PDCD1LG2: variants seen among roughly 807,000 people sequenced by gnomAD.
PDCD1LG2 encodes the protein programmed cell death 1 ligand 2.
PDCD1LG2 carries 32 observed loss-of-function variants against 28.2 expected under a neutral mutation model. The ratio of observed to expected loss-of-function variants is 1.13; its 90% CI spans 0.86 to 1.52. PDCD1LG2 has a LOEUF of 1.52. Ranked by LOEUF, PDCD1LG2 falls within the 40% of genes most tolerant of loss-of-function variation. The pLI, the probability that PDCD1LG2 is intolerant of heterozygous loss-of-function variation, is 0.00. For missense variants in PDCD1LG2, 385 were observed against 323.8 expected, an observed-to-expected ratio of 1.19 and a Z score of -1.45; for synonymous variants, 116 against 120.2, an observed-to-expected ratio of 0.97 and a Z score of 0.23.
chr9:5,542,249 G>C (rs1442500137), intron 3 of PDCD1LG2, among the ~76,000 whole-genome samples: 1 of 152,042 alleles, frequency 6.6e-6, no homozygotes, highest in African/African-American at 2.4e-5. Flanking sequence ...CATCGAAAAA[G>C]CCCTTCTAGA....
intron 3 of PDCD1LG2, among the ~76,000 whole-genome samples, chr9:5,545,726 T>C (rs1816190615): frequency 6.6e-6 from 1 of 152,086 alleles, no homozygotes; most frequent in Non-Finnish European, 1.5e-5. Flanking sequence ...AACAAACAAT[T>C]AAGAAAATAG....
intron 1 of PDCD1LG2, among the ~76,000 whole-genome samples, chr9:5,514,858 G>T (rs1820126732): frequency 6.6e-6 from 1 of 151,708 alleles, no homozygotes; most frequent in South Asian, 2.1e-4. Flanking sequence ...AATATCCTGA[G>T]AGGCGCAATC....
intron 5 of PDCD1LG2, among the ~76,000 whole-genome samples, chr9:5,558,528 A>G (rs1402705509): frequency 6.6e-6 from 1 of 152,210 alleles, no homozygotes; most frequent in Admixed American, 6.5e-5. Flanking sequence ...TTCTCCAAAG[A>G]TCTATACATG....
chr9:5,536,193 C>T (rs1230233928), intron 3 of PDCD1LG2, among the ~76,000 whole-genome samples: 1 of 152,212 alleles, frequency 6.6e-6, no homozygotes, highest in Non-Finnish European at 1.5e-5. Flanking sequence ...TTTTGCCTTT[C>T]ATAACCTCAC....
At chr9:5,525,828 C>A (rs62556121) in intron 2 of PDCD1LG2, among the ~76,000 whole-genome samples, 40,613 of 151,844 alleles carry the variant, frequency 0.27, 5,617 homozygotes, top group Middle Eastern at 0.35. Flanking sequence ...GTGGGCAGAT[C>A]ACGAGGTCAG....
chr9:5,549,346 A>T lies in PDCD1LG2; in HGVS notation c.373A>T (p.Lys125Ter), dbSNP rs1816275775. The change falls in exon 4 of 7, where the codon AAA (lysine) becomes TAA (stop). Residue 125 changes from lysine (K) to a stop codon, truncating the protein, a stop_gained. Transcript: ENST00000397747. LOFTEE classifies it high-confidence loss of function. ...TCTCTATTGTCCAGCTTCCTACAGG[A>T]AAATAAACACTCACATCCTAAAGGT... ...LTLKVKASYR[K>*]INTHILKVPE... 6.2e-7 allele frequency: 1 copy of T among 1,611,704 alleles called. No homozygotes were observed. Among genetic ancestry groups the T allele is most frequent in the Non-Finnish European group, 8.5e-7 (1 of 1,178,030 alleles).
chr9:5,569,909 A>T lies in PDCD1LG2; in HGVS notation c.817-45A>T, dbSNP rs2129974908. 6.2e-7 allele frequency: 1 copy of T among 1,603,554 alleles called. No individual in the cohort carries two copies. Among genetic ancestry groups the T allele is most frequent in the Non-Finnish European group, 8.5e-7 (1 of 1,171,678 alleles). On this transcript the variant is annotated intron_variant, in intron 6 of 6. Coordinates refer to ENST00000397747, the MANE Select transcript of PDCD1LG2 (RefSeq NM_025239.4). This position sits in a 1 kb window ranked among gnomAD's most constrained non-coding sequence, Gnocchi z 4.1. ...ATTTTGGGGAGGTTATATATTTTCT[A>T]ATCATAAAAAATGATTTTTCTTATT...
rs1262444166 is a variant in PDCD1LG2 at position 5,559,714 on chromosome 9, C to T, written c.766+1962C>T. On this transcript the variant is annotated intron_variant, in intron 5 of 6. Coordinates refer to ENST00000397747, the MANE Select transcript of PDCD1LG2 (RefSeq NM_025239.4). The stretch of plus-strand genomic sequence containing the variant: ...TGCTACCTCCAACTTGGTCTGTTCT[C>T]ACTTTTTGCTATAATAGGCTTTTAA... 2.6e-5 allele frequency among the ~76,000 whole-genome samples: 4 copies of T among 152,318 alleles called. No individual in the cohort carries two copies. The East Asian group carries it at 5.8e-4, about 22-fold the overall frequency.
intron 1 of PDCD1LG2, among the ~76,000 whole-genome samples, chr9:5,513,964 T>A (rs528095577): frequency 6.6e-6 from 1 of 152,248 alleles, no homozygotes; most frequent in African/African-American, 2.4e-5. Flanking sequence ...TTAGTTCAGG[T>A]ATTTCAGATC....
chr9:5,522,728 A>C (rs1240020012), intron 2 of PDCD1LG2, 127 bp downstream of exon 2: 3 of 745,436 alleles, frequency 4.0e-6, no homozygotes, highest in Admixed American at 5.5e-5. Flanking sequence ...TTTCTGGGCT[A>C]TTCCAAGCAC....
chr9:5,543,807 C>T (rs1027156304), intron 3 of PDCD1LG2, among the ~76,000 whole-genome samples: 2 of 108,456 alleles, frequency 1.8e-5, no homozygotes, highest in Admixed American at 1.3e-4. Context: ...TAAAATAACA[C>T]GTTTTTTAAA....
chr9:5,519,646 C>A (rs1393987272), intron 1 of PDCD1LG2, among the ~76,000 whole-genome samples: 1 of 152,188 alleles, frequency 6.6e-6, no homozygotes, highest in Non-Finnish European at 1.5e-5. Context: ...ATCTTTAACA[C>A]TTCTGCATTG....
Position 5,534,799 on chromosome 9 carries a change from A to G in PDCD1LG2, c.110A>G (p.Asn37Ser), listed in dbSNP as rs2129792628. 2 of 1,614,174 alleles carry G rather than the reference A, an allele frequency of 1.2e-6. No homozygotes were observed. The highest frequency in any genetic ancestry group is 1.7e-6 in the Non-Finnish European group (2 of 1,179,996). The change falls in exon 3 of 7, where the codon AAT becomes AGT. Residue 37 changes from asparagine to serine, a missense_variant. Asn to Ser is a conservative substitution (Grantham distance 46). Transcript: ENST00000397747. ...KELYIIEHGS[N>S]VTLECNFDTG... ...CTGTACATAATAGAGCATGGCAGCA[A>G]TGTGACCCTGGAATGCAACTTTGAC...
chr9:5,546,882 C>T lies in PDCD1LG2; in HGVS notation c.362-2453C>T, dbSNP rs182415091. Among the ~76,000 whole-genome samples, 394 of 152,232 alleles carry T rather than the reference C, an allele frequency of 2.6e-3. 1 individual carries two copies. The highest frequency in any genetic ancestry group is 9.0e-3 in the African/African-American group (374 of 41,532). ...GCTGGGTGTGCTGACCACATGGAGACGAGAACTTCAAGGGAGAGCCAAAGT... is the reference window on the plus strand; with the variant it reads ...GCTGGGTGTGCTGACCACATGGAGATGAGAACTTCAAGGGAGAGCCAAAGT... On this transcript the variant is annotated intron_variant, in intron 3 of 6. Coordinates refer to ENST00000397747, the MANE Select transcript of PDCD1LG2 (RefSeq NM_025239.4).
rs563423372 is a variant in PDCD1LG2, at chr9:5,529,037, C to G, written c.56-5708C>G. On this transcript the variant is annotated intron_variant, in intron 2 of 6. Transcript: ENST00000397747. ...AGCCACTGCCACGACCTTAAGAGTTCTTTATTCTAGATACAAGTTCTTTAT... is the reference window on the plus strand; with the variant it reads ...AGCCACTGCCACGACCTTAAGAGTTGTTTATTCTAGATACAAGTTCTTTAT... Among the ~76,000 whole-genome samples, 12 of 152,320 alleles carry G rather than the reference C, an allele frequency of 7.9e-5. No homozygotes were observed. The South Asian group carries it at 2.3e-3, about 29-fold the overall frequency.
In PDCD1LG2 at chr9:5,570,821, G is replaced by A. The variant is rs1563836923; in HGVS notation, c.*862G>A. The A allele has an allele frequency of 4.3e-6, 1 of 232,502 alleles. No homozygotes were observed. Among genetic ancestry groups the A allele is most frequent in the South Asian group, 1.8e-4 (1 of 5,522 alleles). The allele number at this position is 232,502 out of a possible 1,614,324, so 14.4% of individuals were successfully genotyped here. ...GCCCCAAACTAAGCCTCCTTTTCTG[G>A]CCCTCAATATGACTTTAAATTTGAC... is the stretch of plus-strand genomic sequence containing the variant. On this transcript the variant is annotated 3_prime_UTR_variant, in exon 7 of 7. Transcript: ENST00000397747.
chr9:5,539,535 C>A (rs1820649283), intron 3 of PDCD1LG2, among the ~76,000 whole-genome samples: 1 of 152,146 alleles, frequency 6.6e-6, no homozygotes, highest in African/African-American at 2.4e-5. Flanking sequence ...GGTGGAATGA[C>A]CGGAGATTCT....
At chr9:5,546,880 G>A (rs923502841) in intron 3 of PDCD1LG2, among the ~76,000 whole-genome samples, 7 of 152,190 alleles carry the variant, frequency 4.6e-5, no homozygotes, top group Non-Finnish European at 1.0e-4. Flanking sequence ...ACCACATGGA[G>A]ACGAGAACTT....
At chr9:5,554,287 T>C (rs1253484478) in intron 4 of PDCD1LG2, among the ~76,000 whole-genome samples, 1 of 152,246 alleles carries the variant, frequency 6.6e-6, no homozygotes, top group Non-Finnish European at 1.5e-5. Flanking sequence ...AGTCCCATCA[T>C]GCCAGCTACC....
Sources: gnomAD v4.1 joint callset for allele counts (sites outside exome capture counted in the v4.1 genomes callset) on GRCh38, gnomAD v4.1.1 for gene constraint, Gnocchi (gnomAD v3.1) non-coding constraint, MANE v1.5 for transcripts, NCBI Gene and HGNC (gene_info 2026-07-23, HGNC 2026-07-21) for gene names.